NFIA: variants seen among roughly 807,000 people sequenced by gnomAD.
The protein encoded by NFIA is nuclear factor 1 A-type.
NFIA carries 8 observed loss-of-function variants against 62.8 expected under a neutral mutation model. That is an observed-to-expected ratio of 0.13 (90% CI 0.07 to 0.23). NFIA has a LOEUF of 0.23. NFIA is among the 10% of genes least tolerant of loss of function. NFIA has a pLI of 1.00. For synonymous variants in NFIA, 235 were observed against 238.1 expected, an observed-to-expected ratio of 0.99 and a Z score of 0.12; for missense variants, 410 against 642.1, an observed-to-expected ratio of 0.64 and a Z score of 3.91.
chr1:61,238,898 A>G (rs1212841528), intron 2 of NFIA, among the ~76,000 whole-genome samples: 1 of 152,100 alleles, frequency 6.6e-6, no homozygotes, highest in Non-Finnish European at 1.5e-5. Flanking sequence ...TAGCCTTTGT[A>G]ATTTGAGAAG....
intron 10 of NFIA, among the ~76,000 whole-genome samples, chr1:61,427,889 A>T (rs948690352): frequency 2.6e-5 from 4 of 152,202 alleles, no homozygotes; most frequent in African/African-American, 9.7e-5. Context: ...ATTCTCCCAT[A>T]CCTTCAAATA....
chr1:61,080,243 A>C, upstream of NFIA, among the ~76,000 whole-genome samples: 1 of 152,282 alleles, frequency 6.6e-6, no homozygotes, highest in East Asian at 1.9e-4. Flanking sequence ...CAACAAAAGA[A>C]GTTTTTAAAG....
chr1:61,245,918 A>G (rs1324689909), intron 2 of NFIA, among the ~76,000 whole-genome samples: 1 of 152,216 alleles, frequency 6.6e-6, no homozygotes, highest in Admixed American at 6.5e-5. Flanking sequence ...ATCCCTGGTT[A>G]ATGCTCAAAC....
At chr1:61,124,904 G>A (rs576479492) in intron 2 of NFIA, 3 of 152,278 alleles carry the variant, frequency 2.0e-5, no homozygotes, top group Admixed American at 1.3e-4. Flanking sequence ...GTTGAAATGT[G>A]CCTGTGTGCA....
At chr1:61,411,151 A>G (rs1288401812) in intron 9 of NFIA, among the ~76,000 whole-genome samples, 1 of 152,216 alleles carries the variant, frequency 6.6e-6, no homozygotes, top group East Asian at 1.9e-4. Context: ...AATGGATGCC[A>G]GCCTGGAGCA....
chr1:61,357,231 G>A (rs1663001741), intron 5 of NFIA, among the ~76,000 whole-genome samples: 2 of 152,262 alleles, frequency 1.3e-5, no homozygotes, highest in South Asian at 4.1e-4. Context: ...GGTTATGTTC[G>A]AAATATCTGA....
At chr1:61,093,625 C>T (rs1373962682) in intron 2 of NFIA, among the ~76,000 whole-genome samples, 1 of 152,082 alleles carries the variant, frequency 6.6e-6, no homozygotes, top group Non-Finnish European at 1.5e-5. Flanking sequence ...GTAACAATAT[C>T]CTTTACCTAG....
rs781655423 is a variant in NFIA at position 61,455,255 on chromosome 1, G to C, written c.1513-48G>C. The C allele has an allele frequency of 6.2e-6, 10 of 1,607,448 alleles. No individual in the cohort carries two copies. In the Admixed American group the frequency reaches 1.5e-4, roughly 24 times the overall value. The stretch of plus-strand genomic sequence containing the variant: ...TGAAAAGGCAACTTCTAAAACACAC[G>C]TTTTTACAAATTGTGATTTTAATTG... On this transcript the variant is annotated intron_variant, in intron 10 of 10. Coordinates refer to ENST00000403491, the MANE Select transcript of NFIA (RefSeq NM_001134673.4).
chr1:61,385,330 A>G (rs1242221920), intron 7 of NFIA, among the ~76,000 whole-genome samples: 2 of 152,194 alleles, frequency 1.3e-5, no homozygotes, highest in African/African-American at 4.8e-5. Context: ...CAAAGGAAAG[A>G]TTTGTGGTGT....
chr1:61,094,977 A>T (rs759145575), intron 2 of NFIA, among the ~76,000 whole-genome samples: 1 of 152,240 alleles, frequency 6.6e-6, no homozygotes, highest in Non-Finnish European at 1.5e-5. Flanking sequence ...GCTAAATAAG[A>T]TAAAACTGAG....
chr1:61,239,107 T>C (rs1570434107), intron 2 of NFIA, among the ~76,000 whole-genome samples: 2 of 152,326 alleles, frequency 1.3e-5, no homozygotes, highest in East Asian at 3.9e-4. Flanking sequence ...CTCAGTTATA[T>C]CCTGTTCAGG....
upstream of NFIA, among the ~76,000 whole-genome samples, chr1:61,078,196 C>A (rs1348218064): frequency 1.3e-5 from 2 of 151,276 alleles, no homozygotes; most frequent in Non-Finnish European, 2.9e-5. Flanking sequence ...TGGTGTGGTT[C>A]AAGCTGTCAA....
intron 6 of NFIA, among the ~76,000 whole-genome samples, chr1:61,377,344 C>T (rs940747525): frequency 2.7e-4 from 41 of 152,102 alleles, no homozygotes; most frequent in Non-Finnish European, 4.3e-4. Context: ...TGGACGTGAT[C>T]GACATGCAGA....
intron 6 of NFIA, among the ~76,000 whole-genome samples, chr1:61,377,606 G>T (rs779215819): frequency 1.3e-5 from 2 of 152,172 alleles, no homozygotes; most frequent in Non-Finnish European, 2.9e-5. Context: ...AAGTGCTGAG[G>T]TTGCTTGCTT....
Position 61,459,803 on chromosome 1 carries a change from T to C in NFIA, c.*4483T>C, listed in dbSNP as rs925499655. ...CAAAACCTGGATAAGGAAAAACCTT[T>C]TTTTTCTATGAATTTTTTTTGTTTT... On this transcript the variant is annotated 3_prime_UTR_variant, in exon 11 of 11. Coordinates refer to ENST00000403491, the MANE Select transcript of NFIA (RefSeq NM_001134673.4). The C allele has an allele frequency of 6.6e-5, 10 of 152,116 alleles. No homozygotes were observed. Among genetic ancestry groups the C allele is most frequent in the African/African-American group, 2.4e-4 (10 of 41,384 alleles). 9.4% of individuals were successfully genotyped at this position (152,116 alleles called of 1,614,324 possible).
intron 6 of NFIA, among the ~76,000 whole-genome samples, chr1:61,379,161 C>G (rs552235853): frequency 9.2e-5 from 14 of 152,156 alleles, no homozygotes; most frequent in Admixed American, 8.5e-4. Flanking sequence ...CTCACACATG[C>G]AAGAGGAGAG....
At chr1:61,306,036 G>C (rs1021891728) in intron 3 of NFIA, among the ~76,000 whole-genome samples, 1 of 150,460 alleles carries the variant, frequency 6.6e-6, no homozygotes, top group South Asian at 2.1e-4. Flanking sequence ...TTTTTTATTA[G>C]AGACAGAGTT....
At chr1:61,083,815 C>G (rs1484057964) in intron 1 of NFIA, among the ~76,000 whole-genome samples, 1 of 151,878 alleles carries the variant, frequency 6.6e-6, no homozygotes, top group East Asian at 1.9e-4. Flanking sequence ...CCGCTCCGCG[C>G]GCAGGACGGG....
At chr1:61,290,743 G>A (rs1658828036) in intron 3 of NFIA, among the ~76,000 whole-genome samples, 1 of 152,186 alleles carries the variant, frequency 6.6e-6, no homozygotes, top group Admixed American at 6.5e-5. Context: ...TATCATGAAA[G>A]GCATGCAAGT....
Sources: allele counts gnomAD v4.1 joint callset (sites outside exome capture counted in the v4.1 genomes callset), GRCh38; gene constraint gnomAD v4.1.1; transcripts MANE v1.5; gene names NCBI Gene and HGNC (gene_info 2026-07-23, HGNC 2026-07-21).